RUFY2: variants seen among roughly 807,000 people sequenced by gnomAD.
The protein encoded by RUFY2 is RUN and FYVE domain containing 2, also known as RUN and FYVE domain-containing protein 2.
In RUFY2, 49 loss-of-function variants were observed where a neutral mutation model predicts 94.4. The observed-to-expected ratio is 0.52, with a 90% CI of 0.41 to 0.66. RUFY2 has a LOEUF of 0.66. Among genes scored for constraint, RUFY2 ranks in the 30% least tolerant of loss-of-function variants. The pLI, the probability that RUFY2 is intolerant of heterozygous loss-of-function variation, is 0.00. For missense variants in RUFY2, 541 were observed against 692.8 expected, an observed-to-expected ratio of 0.78 and a Z score of 2.46; for synonymous variants, 255 against 235.7, an observed-to-expected ratio of 1.08 and a Z score of -0.75.
intron 15 of RUFY2, among the ~76,000 whole-genome samples, chr10:68,359,168 C>A (rs1295115089): frequency 1.3e-5 from 2 of 151,896 alleles, no homozygotes; most frequent in Non-Finnish European, 2.9e-5. Flanking sequence ...CACTTGAGGT[C>A]AGGAGTTCGA....
intron 16 of RUFY2, among the ~76,000 whole-genome samples, chr10:68,349,084 T>C (rs2046477567): frequency 6.6e-6 from 1 of 152,182 alleles, no homozygotes; most frequent in Non-Finnish European, 1.5e-5. Context: ...TCACTAATCA[T>C]AGCAGATTTC....
chr10:68,395,058 C>T (rs192982546), intron 4 of RUFY2, among the ~76,000 whole-genome samples: 57 of 152,016 alleles, frequency 3.7e-4, no homozygotes, highest in African/African-American at 1.1e-3. Context: ...AAAAGTGGCA[C>T]GAGACACGGT....
At chr10:68,394,259 A>T (rs1250714198) in intron 5 of RUFY2, 69 bp downstream of exon 5, 34 of 1,606,228 alleles carry the variant, frequency 2.1e-5, no homozygotes, top group Non-Finnish European at 2.6e-5. Flanking sequence ...ACTTCAAATG[A>T]CACCTGATCA....
chr10:68,390,934 A>ATT (rs576388613), intron 7 of RUFY2, among the ~76,000 whole-genome samples: 9 of 124,166 alleles, frequency 7.2e-5, no homozygotes, highest in African/African-American at 9.0e-5. Context: ...ACCTGGCCTA[A>ATT]TTTTTTTTTT....
intron 2 of RUFY2, among the ~76,000 whole-genome samples, chr10:68,402,764 C>CAT (rs1238347791): frequency 1.3e-5 from 2 of 148,812 alleles, no homozygotes; most frequent in African/African-American, 2.5e-5. Context: ...ATGCCATATA[C>CAT]ATACCATAAA....
At chr10:68,381,494 C>T (rs986500067) in intron 10 of RUFY2, 95 bp from the exon 11 acceptor site, 3 of 1,175,318 alleles carry the variant, frequency 2.6e-6, no homozygotes, top group African/African-American at 3.1e-5. Flanking sequence ...ATGCAGACTA[C>T]ACCTTTTAAG....
At chr10:68,380,160 G>A (rs1057184697) in intron 11 of RUFY2, among the ~76,000 whole-genome samples, 6 of 148,714 alleles carry the variant, frequency 4.0e-5, no homozygotes, top group East Asian at 2.0e-4. Flanking sequence ...GGCTGGTCTC[G>A]AACTCCTGGC....
chr10:68,342,018 C>A, downstream of RUFY2: 1 of 1,613,884 alleles, frequency 6.2e-7, no homozygotes, highest in Non-Finnish European at 8.5e-7. Context: ...ATGGGCAAGG[C>A]GGCATGAGTG....
At chr10:68,358,862 G>A (rs1275307944) in intron 15 of RUFY2, among the ~76,000 whole-genome samples, 3 of 151,992 alleles carry the variant, frequency 2.0e-5, no homozygotes, top group Non-Finnish European at 2.9e-5. Context: ...AGTGAGCCAA[G>A]ATCACGCCAC....
At chr10:68,354,849 CTTTT>C (rs11314109) in intron 16 of RUFY2, among the ~76,000 whole-genome samples, 1 of 140,112 alleles carries the variant, frequency 7.1e-6, no homozygotes, top group East Asian at 2.1e-4. Context: ...AGGTCAGTTT[CTTTT>C]TTTTTTTTTT....
intron 13 of RUFY2, among the ~76,000 whole-genome samples, chr10:68,374,339 C>A (rs966447681): frequency 6.6e-6 from 1 of 151,842 alleles, no homozygotes; most frequent in African/African-American, 2.4e-5. Flanking sequence ...GAAAAATATA[C>A]ACTTTAATCA....
intron 13 of RUFY2, among the ~76,000 whole-genome samples, chr10:68,370,103 G>A (rs2048153041): frequency 6.6e-6 from 1 of 152,018 alleles, no homozygotes; most frequent in African/African-American, 2.4e-5. Flanking sequence ...GACCAACATG[G>A]CAAAACCTCA....
In RUFY2 at chr10:68,343,530, T is replaced by C. The variant is rs1374197419; in HGVS notation, c.*2238A>G. On this transcript the variant is annotated 3_prime_UTR_variant, in exon 18 of 18. Transcript: ENST00000602465. ...TTTTAAAGCAGGCTAATTTTCCAAA[T>C]ATTTATTTAGTTCATAAAATTCACA... The C allele has an allele frequency of 6.6e-6, 1 of 152,596 alleles. No homozygotes were observed. The highest frequency in any genetic ancestry group is 1.5e-5 in the Non-Finnish European group (1 of 68,004). 9.5% of individuals were successfully genotyped at this position (152,596 alleles called of 1,614,324 possible).
At chr10:68,395,869 A>G (rs2050354754) in intron 4 of RUFY2, among the ~76,000 whole-genome samples, 1 of 152,238 alleles carries the variant, frequency 6.6e-6, no homozygotes, top group African/African-American at 2.4e-5. Flanking sequence ...AACCAGGACT[A>G]AATTCTCCAC....
chr10:68,378,611 C>T, intron 12 of RUFY2: 1 of 1,612,644 alleles, frequency 6.2e-7, no homozygotes, highest in Non-Finnish European at 8.5e-7. Flanking sequence ...CGTGTCACTG[C>T]TGGCACATTT....
intron 13 of RUFY2, among the ~76,000 whole-genome samples, chr10:68,364,723 T>TC (rs1196940707): frequency 6.6e-6 from 1 of 150,488 alleles, no homozygotes; most frequent in East Asian, 1.9e-4. Flanking sequence ...GCATTGTTCT[T>TC]CTTTTTTTTT....
In RUFY2 at chr10:68,379,471, T is replaced by C. The variant is rs755634909; in HGVS notation, c.1158A>G (p.Glu386=). ...CTGCAGTAATTTTATTGGTTTTTTC[T>C]TCTAGTCGGGCAATTATTTCATTTT... ...KEKNEIIARL[E]EKTNKITAAM... The change falls in exon 12 of 18, where the codon GAA becomes GAG. Residue 386 remains glutamate, a synonymous_variant. Coordinates refer to ENST00000602465, the MANE Select transcript of RUFY2 (RefSeq NM_001330103.2). 17 of 1,613,464 alleles carry C rather than the reference T, an allele frequency of 1.1e-5. No homozygotes were observed. In the South Asian group the frequency reaches 1.7e-4, roughly 16 times the overall value.
intron 8 of RUFY2, 43 bp from the exon 9 acceptor site, chr10:68,384,195 C>A: frequency 6.4e-7 from 1 of 1,553,370 alleles, no homozygotes; most frequent in Non-Finnish European, 8.6e-7. Flanking sequence ...TTTAAACACC[C>A]TTATACTTGC....
intron 16 of RUFY2, among the ~76,000 whole-genome samples, chr10:68,353,645 A>G (rs1023901105): frequency 6.6e-6 from 1 of 151,936 alleles, no homozygotes; most frequent in African/African-American, 2.4e-5. Context: ...CAAAAAATTT[A>G]AAAATTAGCC....
Sources: gnomAD v4.1 joint callset for allele counts (sites outside exome capture counted in the v4.1 genomes callset) on GRCh38, gnomAD v4.1.1 for gene constraint, MANE v1.5 for transcripts, NCBI Gene and HGNC (gene_info 2026-07-23, HGNC 2026-07-21) for gene names.